ACTN4: variants seen among roughly 807,000 people sequenced by gnomAD.
The protein encoded by ACTN4 is alpha-actinin-4.
In ACTN4, 18 loss-of-function variants were observed where a neutral mutation model predicts 114.2. That is an observed-to-expected ratio of 0.16 (90% CI 0.11 to 0.23). ACTN4 has a LOEUF of 0.23. Ranked by LOEUF, ACTN4 falls within the 10% of genes least tolerant of loss-of-function variation. The probability of loss-of-function intolerance (pLI) is 1.00; values close to 1 mark genes in which losing one functional copy is unlikely to be tolerated. For missense variants in ACTN4, 722 were observed against 1,262.9 expected (o/e 0.57, Z 6.49); for synonymous variants, 515 against 506.3 (o/e 1.02, Z -0.23).
intron 1 of ACTN4, among the ~76,000 whole-genome samples, chr19:38,670,816 G>C (rs1046900112): frequency 2.0e-5 from 3 of 151,716 alleles, no homozygotes; most frequent in Non-Finnish European, 4.4e-5. Flanking sequence ...CCAGCTACTC[G>C]GGAGGCTGAG....
intron 11 of ACTN4, among the ~76,000 whole-genome samples, chr19:38,719,953 G>A (rs62119115): frequency 0.21 from 31,244 of 152,220 alleles, 3,598 homozygotes; most frequent in Middle Eastern, 0.43. Context: ...GCCTCCACAC[G>A]TCCCTGCCCC....
rs138679239 is a variant in ACTN4 at position 38,686,369 on chromosome 19, G to A, written c.163-14231G>A. ...CAAAGTTTAAACCAGATGATCTGTAGTCCCCCACCCCCACCCTGAAACCTG... is the reference window on the plus strand; with the variant it reads ...CAAAGTTTAAACCAGATGATCTGTAATCCCCCACCCCCACCCTGAAACCTG... On this transcript the variant is annotated intron_variant, in intron 1 of 20. Transcript: ENST00000252699. Among the ~76,000 whole-genome samples the A allele has an allele frequency of 2.4e-3, 366 of 152,152 alleles. 2 individuals carry two copies. Among genetic ancestry groups the A allele is most frequent in the African/African-American group, 8.6e-3 (358 of 41,486 alleles).
intron 1 of ACTN4, among the ~76,000 whole-genome samples, chr19:38,652,522 ATTGCCC>A (rs1281765042): frequency 6.6e-6 from 1 of 152,046 alleles, no homozygotes. Context: ...TGGGCCCAGG[ATTGCCC>A]TCTGCCTTTT....
chr19:38,647,881 C>T lies in ACTN4; in HGVS notation c.136C>T (p.Pro46Ser), dbSNP rs775546978. 6.6e-7 allele frequency: 1 copy of T among 1,524,894 alleles called. No individual in the cohort carries two copies. Among genetic ancestry groups the T allele is most frequent in the Non-Finnish European group, 8.8e-7 (1 of 1,135,076 alleles). 94.5% of individuals were successfully genotyped at this position (1,524,894 alleles called of 1,614,324 possible). A position where few individuals can be genotyped will look rare whatever the true frequency, so the allele number is the denominator to read the frequency against. The change falls in exon 1 of 21, where the codon CCG (proline) becomes TCG (serine). Residue 46 changes from proline to serine, a missense_variant. This residue lies in a region of ACTN4 where 72 missense variants were observed against 75.6 expected (regional missense o/e 0.95). Coordinates refer to ENST00000252699, the MANE Select transcript of ACTN4 (RefSeq NM_004924.6). ...CTGGGACCGGGACCTGCTGCTGGAC[C>T]CGGCCTGGGAGAAGCAGCAGCGCAA... is the stretch of plus-strand genomic sequence containing the variant. Reference protein sequence around the residue: ...DDWDRDLLLDPAWEKQQRKTF... With the variant: ...DDWDRDLLLDSAWEKQQRKTF...
At chr19:38,719,084 C>T (rs566401716) in intron 11 of ACTN4, among the ~76,000 whole-genome samples, 2 of 152,376 alleles carry the variant, frequency 1.3e-5, no homozygotes, top group Admixed American at 1.3e-4. Flanking sequence ...GGCAGCCCTG[C>T]AGCTGCCTGG....
In ACTN4 at chr19:38,689,583, G is replaced by A. The variant is rs1032904139; in HGVS notation, c.163-11017G>A. Among the ~76,000 whole-genome samples the A allele has an allele frequency of 2.6e-5, 4 of 151,628 alleles. No individual in the cohort carries two copies. In the East Asian group the frequency reaches 5.8e-4, roughly 22 times the overall value. ...CGCTGTCATAGCTCACTGTAGCCTCGAATTCCCAGGCTTAAGTGTTCCTCC... is the reference window on the plus strand; with the variant it reads ...CGCTGTCATAGCTCACTGTAGCCTCAAATTCCCAGGCTTAAGTGTTCCTCC... On this transcript the variant is annotated intron_variant, in intron 1 of 20. Transcript: ENST00000252699.
chr19:38,705,120 C>T (rs1168913274), intron 4 of ACTN4, 100 bp downstream of exon 4: 1 of 1,159,818 alleles, frequency 8.6e-7, no homozygotes, highest in East Asian at 2.4e-5. Flanking sequence ...TTCCTGTTTC[C>T]TTGGGGTCAC....
chr19:38,709,900 G>T (rs1968586406), intron 7 of ACTN4, among the ~76,000 whole-genome samples: 2 of 152,096 alleles, frequency 1.3e-5, no homozygotes, highest in African/African-American at 4.8e-5. Context: ...TTCCTTTTCC[G>T]GCTTTGCTCC....
At chr19:38,689,384 GA>G (rs1418062989) in intron 1 of ACTN4, among the ~76,000 whole-genome samples, 1 of 152,200 alleles carries the variant, frequency 6.6e-6, no homozygotes, top group Non-Finnish European at 1.5e-5. Context: ...AGAGACGAAA[GA>G]AAGGTAGGTT....
At chr19:38,658,122 G>T (rs1049167378) in intron 1 of ACTN4, among the ~76,000 whole-genome samples, 3 of 152,198 alleles carry the variant, frequency 2.0e-5, no homozygotes, top group African/African-American at 7.2e-5. Context: ...GCCTTGCCAG[G>T]TAGGGGATGA....
chr19:38,704,249 T>C (rs1332450004), intron 3 of ACTN4, among the ~76,000 whole-genome samples: 1 of 152,230 alleles, frequency 6.6e-6, no homozygotes, highest in Non-Finnish European at 1.5e-5. Context: ...CAGTCAAGGC[T>C]GCAGTGAGCT....
intron 1 of ACTN4, chr19:38,693,649 A>G (rs1968001346): frequency 6.6e-6 from 1 of 152,258 alleles, no homozygotes; most frequent in Non-Finnish European, 1.5e-5. Flanking sequence ...CACTGCTGCC[A>G]CATTCCTGGG....
intron 3 of ACTN4, among the ~76,000 whole-genome samples, chr19:38,701,583 CA>C: frequency 6.6e-6 from 1 of 152,182 alleles, no homozygotes; most frequent in Non-Finnish European, 1.5e-5. Context: ...AGTGCACGGC[CA>C]AAGGTCAGTG....
At chr19:38,714,706 G>A (rs1968781334) in intron 9 of ACTN4, 145 bp downstream of exon 9, 1 of 886,890 alleles carries the variant, frequency 1.1e-6, no homozygotes, top group Non-Finnish European at 1.8e-6. Context: ...TTAGCCAGCT[G>A]GTGTGTACAC....
intron 1 of ACTN4, among the ~76,000 whole-genome samples, chr19:38,688,432 A>G (rs904149249): frequency 6.7e-6 from 1 of 148,482 alleles, no homozygotes; most frequent in Non-Finnish European, 1.5e-5. Context: ...TTAGCTGGAC[A>G]TGGTGGTGGG....
intron 1 of ACTN4, among the ~76,000 whole-genome samples, chr19:38,666,935 G>C (rs951969408): frequency 6.6e-6 from 1 of 152,120 alleles, no homozygotes. Context: ...TGAATGCTTG[G>C]GGGAGGGGGT....
At chr19:38,659,655 A>G (rs143144231) in intron 1 of ACTN4, among the ~76,000 whole-genome samples, 1 of 152,208 alleles carries the variant, frequency 6.6e-6, no homozygotes, top group Non-Finnish European at 1.5e-5. Context: ...AGTTCTTGCC[A>G]AATACGGCCT....
chr19:38,702,342 T>G (rs938693466), intron 3 of ACTN4, among the ~76,000 whole-genome samples: 3 of 152,200 alleles, frequency 2.0e-5, no homozygotes, highest in Non-Finnish European at 4.4e-5. Context: ...TCAAGGCACC[T>G]GAGAACCCCG....
chr19:38,647,668 T>A lies in ACTN4; in HGVS notation c.-78T>A. The A allele has an allele frequency of 2.7e-6, 4 of 1,474,346 alleles. No homozygotes were observed. The highest frequency in any genetic ancestry group is 3.6e-6 in the Non-Finnish European group (4 of 1,110,780). 91.3% of individuals were successfully genotyped at this position (1,474,346 alleles called of 1,614,324 possible). A position where few individuals can be genotyped will look rare whatever the true frequency, so the allele number is the denominator to read the frequency against. On this transcript the variant is annotated 5_prime_UTR_variant, in exon 1 of 21. Coordinates refer to ENST00000252699, the MANE Select transcript of ACTN4 (RefSeq NM_004924.6). ...CGGGCTGAAGCAGCTGAAGCGGCGGTAGCGGCGGCGGCTCGGGCAGAGGGG... is the reference window on the plus strand; with the variant it reads ...CGGGCTGAAGCAGCTGAAGCGGCGGAAGCGGCGGCGGCTCGGGCAGAGGGG...
Sources: gnomAD v4.1 joint callset for allele counts (sites outside exome capture counted in the v4.1 genomes callset) on GRCh38, gnomAD v4.1.1 for gene constraint, gnomAD v4.1.1 regional missense constraint, MANE v1.5 for transcripts, NCBI Gene and HGNC (gene_info 2026-07-23, HGNC 2026-07-21) for gene names.